The following UNC5C variants were observed in gnomAD, a reference collection of about 807,000 sequenced individuals.
UNC5C encodes netrin receptor UNC5C.
In UNC5C, 47 loss-of-function variants were observed where a neutral mutation model predicts 99.8. The observed-to-expected ratio is 0.47, with a 90% CI of 0.37 to 0.60. The LOEUF (loss-of-function observed/expected upper bound fraction) is 0.60, where lower values mean the gene tolerates loss of function less well. Among genes scored for constraint, UNC5C ranks in the 20% least tolerant of loss-of-function variants. The pLI is 0.00. For synonymous variants in UNC5C, 487 were observed against 452.2 expected (o/e 1.08, Z -0.98); for missense variants, 1,062 against 1,165.9 (o/e 0.91, Z 1.30).
At chr4:95,503,772 A>G (rs10003330) in intron 1 of UNC5C, among the ~76,000 whole-genome samples, 14,644 of 152,138 alleles carry the variant, frequency 0.096, 1,883 homozygotes, top group African/African-American at 0.29. Context: ...AAAGCATAAA[A>G]TAGCATGGCC....
intron 1 of UNC5C, among the ~76,000 whole-genome samples, chr4:95,369,079 T>A (rs992780253): frequency 6.6e-6 from 1 of 151,908 alleles, no homozygotes; most frequent in African/African-American, 2.4e-5. Context: ...AACTGGTCCT[T>A]AACTCCTGGC....
chr4:95,348,341 G>A (rs1310154904), intron 1 of UNC5C, among the ~76,000 whole-genome samples: 1 of 151,802 alleles, frequency 6.6e-6, no homozygotes, highest in Non-Finnish European at 1.5e-5. Context: ...AACCACTATG[G>A]AGAATGGTTT....
intron 4 of UNC5C, among the ~76,000 whole-genome samples, chr4:95,265,756 C>T (rs1437612389): frequency 6.6e-6 from 1 of 152,174 alleles, no homozygotes; most frequent in Admixed American, 6.5e-5. Context: ...GCTTTGGAGT[C>T]AGGCAGAGTT....
At chr4:95,181,996 C>T (rs563915888) in intron 14 of UNC5C, among the ~76,000 whole-genome samples, 155 of 152,292 alleles carry the variant, frequency 1.0e-3, no homozygotes, top group African/African-American at 3.7e-3. Context: ...TGGCTTAGCA[C>T]GCAGCACAGG....
chr4:95,184,271 G>T (rs77139017), intron 13 of UNC5C, among the ~76,000 whole-genome samples: 2,961 of 152,248 alleles, frequency 0.019, 98 homozygotes, highest in African/African-American at 0.068. Context: ...AGTGAGAATG[G>T]AGCCAGAATG....
intron 1 of UNC5C, among the ~76,000 whole-genome samples, chr4:95,476,551 C>A (rs2149476228): frequency 6.6e-6 from 1 of 152,094 alleles, no homozygotes; most frequent in South Asian, 2.1e-4. Context: ...TCCTTTGTCC[C>A]TATTACCTTT....
intron 1 of UNC5C, among the ~76,000 whole-genome samples, chr4:95,441,685 T>A (rs749461172): frequency 1.6e-4 from 25 of 152,214 alleles, no homozygotes; most frequent in Non-Finnish European, 3.1e-4. Flanking sequence ...GTAATGTAAC[T>A]AATTACATAA....
intron 1 of UNC5C, among the ~76,000 whole-genome samples, chr4:95,390,290 C>G (rs1745320061): frequency 6.6e-6 from 1 of 151,804 alleles, no homozygotes; most frequent in Non-Finnish European, 1.5e-5. Context: ...AGGGATGTTT[C>G]CATTTATTCA....
intron 1 of UNC5C, among the ~76,000 whole-genome samples, chr4:95,362,418 T>G (rs1285675988): frequency 2.0e-5 from 3 of 152,064 alleles, no homozygotes; most frequent in African/African-American, 7.2e-5. Flanking sequence ...CATCTTGATG[T>G]GGGATGGAAA....
intron 1 of UNC5C, among the ~76,000 whole-genome samples, chr4:95,362,479 G>A (rs1234555781): frequency 1.3e-5 from 2 of 152,214 alleles, no homozygotes; most frequent in African/African-American, 4.8e-5. Flanking sequence ...GAGAGATGGA[G>A]CAAGAATGTG....
At chr4:95,519,415 A>T (rs1296670384) in intron 1 of UNC5C, among the ~76,000 whole-genome samples, 1 of 152,122 alleles carries the variant, frequency 6.6e-6, no homozygotes, top group African/African-American at 2.4e-5. Flanking sequence ...CATAGAATGG[A>T]CCCAAGTTTA....
At chr4:95,271,238 T>A (rs1010301530) in intron 4 of UNC5C, among the ~76,000 whole-genome samples, 5 of 152,080 alleles carry the variant, frequency 3.3e-5, no homozygotes, top group South Asian at 4.1e-4. Context: ...ATTTATTTTT[T>A]TTTTTTTGAG....
chr4:95,411,574 G>A (rs746883194), intron 1 of UNC5C, among the ~76,000 whole-genome samples: 2 of 152,108 alleles, frequency 1.3e-5, no homozygotes, highest in Non-Finnish European at 2.9e-5. Context: ...GTATCCAACC[G>A]TAAATCTGCA....
chr4:95,481,766 C>T (rs1288319638), intron 1 of UNC5C, among the ~76,000 whole-genome samples: 2 of 152,074 alleles, frequency 1.3e-5, no homozygotes, highest in African/African-American at 4.8e-5. Context: ...GGAAAGGATT[C>T]CCTATTTAAT....
intron 14 of UNC5C, among the ~76,000 whole-genome samples, chr4:95,175,749 T>C (rs1438888942): frequency 6.6e-6 from 1 of 152,210 alleles, no homozygotes; most frequent in African/African-American, 2.4e-5. Context: ...GAGGAGTATC[T>C]TTGTGGCATT....
At chr4:95,237,512 A>T (rs533886261) in intron 7 of UNC5C, among the ~76,000 whole-genome samples, 1 of 152,236 alleles carries the variant, frequency 6.6e-6, no homozygotes, top group African/African-American at 2.4e-5. Context: ...GGAAAGAAAT[A>T]GATTTCTAAC....
intron 14 of UNC5C, among the ~76,000 whole-genome samples, chr4:95,180,259 G>C (rs1176955378): frequency 6.6e-6 from 1 of 152,180 alleles, no homozygotes; most frequent in Non-Finnish European, 1.5e-5. Context: ...TATCTCCATG[G>C]AACAGCCTAC....
intron 1 of UNC5C, among the ~76,000 whole-genome samples, chr4:95,493,450 C>G (rs1317975672): frequency 6.6e-6 from 1 of 151,362 alleles, no homozygotes; most frequent in Non-Finnish European, 1.5e-5. Context: ...TGTGTACACT[C>G]TATTTTTAAA....
chr4:95,303,039 A>G (rs1330180114), intron 2 of UNC5C, among the ~76,000 whole-genome samples: 1 of 152,162 alleles, frequency 6.6e-6, no homozygotes, highest in Admixed American at 6.5e-5. Flanking sequence ...GAGGGACAGG[A>G]CATATGGGAA....
Sources: gnomAD v4.1 joint callset for allele counts (sites outside exome capture counted in the v4.1 genomes callset) on GRCh38, gnomAD v4.1.1 for gene constraint, MANE v1.5 for transcripts, NCBI Gene and HGNC (gene_info 2026-07-23, HGNC 2026-07-21) for gene names.